NDUFA10: variants seen among roughly 807,000 people sequenced by gnomAD.
NDUFA10 encodes NADH dehydrogenase [ubiquinone] 1 alpha subcomplex subunit 10, mitochondrial.
Under a neutral mutation model 47.8 loss-of-function variants are expected in NDUFA10, and 40 were observed. The observed-to-expected ratio is 0.84, with a 90% CI of 0.65 to 1.09. The LOEUF (loss-of-function observed/expected upper bound fraction) is 1.09. Among genes scored for constraint, NDUFA10 ranks in the 50% least tolerant of loss-of-function variants. The pLI, the probability that NDUFA10 is intolerant of heterozygous loss-of-function variation, is 0.00. For missense variants in NDUFA10, 413 were observed against 451.1 expected, an observed-to-expected ratio of 0.92 and a Z score of 0.76; for synonymous variants, 183 against 172.2, an observed-to-expected ratio of 1.06 and a Z score of -0.49.
In NDUFA10 at chr2:240,021,295, G is replaced by A. The variant is rs868308417; in HGVS notation, c.362C>T (p.Pro121Leu). 6.8e-6 allele frequency: 11 copies of A among 1,614,140 alleles called. No homozygotes were observed. The highest frequency in any genetic ancestry group is 2.7e-5 in the African/African-American group (2 of 75,022). ...GTAACTGTTGCCATCATTGCTTCTC[G>A]GATCATCGTAAAATTTCTCCAAACT... ...NCSLEKFYDD[P>L]RSNDGNSYRL... Residue 121 changes from proline (P) to leucine (L), a missense_variant, in exon 3 of 10, where the codon CCG becomes CTG. Coordinates refer to ENST00000252711, the MANE Select transcript of NDUFA10 (RefSeq NM_004544.4).
At chr2:239,934,242 G>T (rs565728141) in intron 4 of NDUFA10, among the ~76,000 whole-genome samples, 1 of 152,172 alleles carries the variant, frequency 6.6e-6, no homozygotes, top group Admixed American at 6.5e-5. Flanking sequence ...ACTGTCCCAT[G>T]AACTCTGCCT....
At chr2:239,913,983 C>A (rs1325131709) in intron 4 of NDUFA10, among the ~76,000 whole-genome samples, 4 of 152,234 alleles carry the variant, frequency 2.6e-5, no homozygotes, top group Admixed American at 6.5e-5. Context: ...GCAGGTGGAA[C>A]AAGGGTGGGC....
chr2:239,986,285 A>G (rs1695999697), intron 9 of NDUFA10, among the ~76,000 whole-genome samples: 1 of 152,230 alleles, frequency 6.6e-6, no homozygotes, highest in African/African-American at 2.4e-5. Context: ...TTCAAATGGA[A>G]AGCTGTTCTG....
intron 9 of NDUFA10, among the ~76,000 whole-genome samples, chr2:239,967,850 G>A (rs542944071): frequency 1.3e-4 from 20 of 152,182 alleles, no homozygotes; most frequent in Non-Finnish European, 2.9e-4. Context: ...TGGGATCTGT[G>A]CCATGAGGGC....
At chr2:239,975,228 C>T (rs116095063) in intron 9 of NDUFA10, among the ~76,000 whole-genome samples, 5 of 152,202 alleles carry the variant, frequency 3.3e-5, no homozygotes, top group African/African-American at 4.8e-5. Context: ...TCCCCTTTAC[C>T]GTCTACCATG....
chr2:239,943,304 C>A (rs548871312), intron 4 of NDUFA10, among the ~76,000 whole-genome samples: 1 of 152,322 alleles, frequency 6.6e-6, no homozygotes, highest in East Asian at 1.9e-4. Flanking sequence ...ACTCTGAAAT[C>A]TTTTGCTTAT....
chr2:240,007,209 G>T, intron 7 of NDUFA10, 107 bp downstream of exon 7: 1 of 835,508 alleles, frequency 1.2e-6, no homozygotes. Context: ...ATAAAACAGT[G>T]ATGTTTGTTA....
rs1351040452 is a variant in NDUFA10 at position 240,021,275 on chromosome 2, T to C, written c.382A>G (p.Ser128Gly). 12 of 1,614,130 alleles carry C rather than the reference T, an allele frequency of 7.4e-6. No individual in the cohort carries two copies. Among genetic ancestry groups the C allele is most frequent in the African/African-American group, 1.3e-5 (1 of 74,944 alleles). The change falls in exon 3 of 10, where the codon AGT (serine) becomes GGT (glycine). Residue 128 changes from serine (S) to glycine (G), a missense_variant. Ser to Gly is a moderately conservative substitution (Grantham distance 56). Coordinates refer to ENST00000252711, the MANE Select transcript of NDUFA10 (RefSeq NM_004544.4). ...YDDPRSNDGN[S>G]YRLQSWLYSS... ...TACAACCAGGACTGCAGGCGGTAAC[T>C]GTTGCCATCATTGCTTCTCGGATCA...
At chr2:239,974,639 CT>C (rs1463924429) in intron 9 of NDUFA10, among the ~76,000 whole-genome samples, 1 of 152,224 alleles carries the variant, frequency 6.6e-6, no homozygotes, top group Non-Finnish European at 1.5e-5. Flanking sequence ...GGCTCTTACT[CT>C]GAGTTCACAC....
chr2:239,990,196 C>A lies in NDUFA10; in HGVS notation c.891-14G>T, dbSNP rs1437971595. ...TTATCCTGAACCCTAAAAAATAAGA[C>A]ACATGTGGATCACACCAAACCATCA... is the stretch of plus-strand genomic sequence containing the variant. On this transcript the variant is annotated splice_polypyrimidine_tract_variant and intron_variant, in intron 8 of 9. Coordinates refer to ENST00000252711, the MANE Select transcript of NDUFA10 (RefSeq NM_004544.4). 6.3e-7 allele frequency: 1 copy of A among 1,579,570 alleles called. No homozygotes were observed. The highest frequency in any genetic ancestry group is 1.3e-5 in the African/African-American group (1 of 74,288).
intron 9 of NDUFA10, among the ~76,000 whole-genome samples, chr2:239,968,302 C>T (rs543703711): frequency 6.6e-6 from 1 of 152,330 alleles, no homozygotes; most frequent in South Asian, 2.1e-4. Flanking sequence ...GCACGCAATG[C>T]GCAGAGCACG....
chr2:239,918,987 C>A (rs948763942), intron 4 of NDUFA10, among the ~76,000 whole-genome samples: 1 of 152,208 alleles, frequency 6.6e-6, no homozygotes, highest in Non-Finnish European at 1.5e-5. Context: ...ACACAGTAAC[C>A]GGCTGCTTCC....
At chr2:240,022,766 T>C (rs1000396657) in intron 1 of NDUFA10, among the ~76,000 whole-genome samples, 6 of 152,018 alleles carry the variant, frequency 3.9e-5, no homozygotes, top group Non-Finnish European at 8.8e-5. Context: ...TCTGTCCCCA[T>C]GTCCTGACCT....
chr2:240,022,230 T>C lies in NDUFA10; in HGVS notation c.186A>G (p.Val62=), dbSNP rs1350324963. 6.2e-7 allele frequency: 1 copy of C among 1,614,204 alleles called. No homozygotes were observed. Among genetic ancestry groups the C allele is most frequent in the Admixed American group, 1.7e-5 (1 of 60,034 alleles). The change falls in exon 2 of 10, where the codon GTA becomes GTG. Residue 62 remains valine, a synonymous_variant. Coordinates refer to ENST00000252711, the MANE Select transcript of NDUFA10 (RefSeq NM_004544.4). ...RLTERSRVIT[V]DGNICTGKGK... is the part of the protein sequence containing the mutation. ...CTTTTCCAGTACATATATTGCCATC[T>C]ACAGTTATCACTCTGCTGCGTTCTG...
At chr2:240,019,220 T>C (rs1252074918) in intron 3 of NDUFA10, among the ~76,000 whole-genome samples, 1 of 152,202 alleles carries the variant, frequency 6.6e-6, no homozygotes, top group African/African-American at 2.4e-5. Context: ...GGGCAAGACA[T>C]TCCTGTTTCC....
Position 239,928,054 on chromosome 2 carries a change from CG to C in NDUFA10, c.295-32741del, listed in dbSNP as rs1694094879. Among the ~76,000 whole-genome samples the C allele has an allele frequency of 4.6e-5, 7 of 152,064 alleles. No homozygotes were observed. Among genetic ancestry groups the C allele is most frequent in the Non-Finnish European group, 1.0e-4 (7 of 68,024 alleles). ...AAAACACCAGTACCCAGGTAAAGAG[CG>C]ACTGAAGTCAAGAAGGGCCCTCCCA... On this transcript the variant is annotated intron_variant, in intron 4 of 5. Coordinates refer to the NDUFA10 transcript ENST00000419408. This position sits in a 1 kb window ranked among gnomAD's most constrained non-coding sequence, Gnocchi z 4.3.
At chr2:240,025,053 T>C (rs1467836661) in intron 1 of NDUFA10, among the ~76,000 whole-genome samples, 174 bp downstream of exon 1, 1 of 152,182 alleles carries the variant, frequency 6.6e-6, no homozygotes, top group Non-Finnish European at 1.5e-5. Context: ...CCCCCTGAGG[T>C]CTGTCCACGA....
Position 240,016,035 on chromosome 2 carries a change from A to T in NDUFA10, c.548-1175T>A, listed in dbSNP as rs568574580. 2.6e-5 allele frequency among the ~76,000 whole-genome samples: 4 copies of T among 152,228 alleles called. No individual in the cohort carries two copies. In the East Asian group the frequency reaches 7.7e-4, roughly 29 times the overall value. ...AGCCAGTCTCCTAACCTAGTCTCAAAATAAATAAATAAAAATTTTAAAAAT... is the reference window on the plus strand; with the variant it reads ...AGCCAGTCTCCTAACCTAGTCTCAATATAAATAAATAAAAATTTTAAAAAT... On this transcript the variant is annotated intron_variant, in intron 4 of 9. Coordinates refer to ENST00000252711, the MANE Select transcript of NDUFA10 (RefSeq NM_004544.4). The surrounding 1 kb of genome is among the most constrained non-coding windows in gnomAD (Gnocchi z 4.4).
intron 3 of NDUFA10, among the ~76,000 whole-genome samples, chr2:240,020,396 G>A (rs545001071): frequency 8.8e-4 from 134 of 152,330 alleles, no homozygotes; most frequent in Non-Finnish European, 1.7e-3. Flanking sequence ...TGTGAACTGA[G>A]GACCGCCGTG....
Sources: gnomAD v4.1 joint callset for allele counts (sites outside exome capture counted in the v4.1 genomes callset) on GRCh38, gnomAD v4.1.1 for gene constraint, Gnocchi (gnomAD v3.1) non-coding constraint, MANE v1.5 for transcripts, NCBI Gene and HGNC (gene_info 2026-07-23, HGNC 2026-07-21) for gene names.